EBF1: variants seen among roughly 807,000 people sequenced by gnomAD.
The protein encoded by EBF1 is EBF transcription factor 1.
Under a neutral mutation model 68.4 loss-of-function variants are expected in EBF1, and 10 were observed. The observed-to-expected ratio is 0.15, with a 90% CI of 0.09 to 0.25. EBF1 has a LOEUF of 0.25. EBF1 is among the 10% of genes least tolerant of loss of function. The pLI is 1.00. For missense variants in EBF1, 509 were observed against 794.4 expected, an observed-to-expected ratio of 0.64 and a Z score of 4.32; for synonymous variants, 298 against 299.8, an observed-to-expected ratio of 0.99 and a Z score of 0.06.
chr5:158,811,796 T>C (rs1782721417), intron 8 of EBF1, among the ~76,000 whole-genome samples: 1 of 152,208 alleles, frequency 6.6e-6, no homozygotes, highest in African/African-American at 2.4e-5. Flanking sequence ...TTTCCAAGTT[T>C]AGTTTCTCAA....
At chr5:159,080,025 C>T (rs73305729) in intron 5 of EBF1, among the ~76,000 whole-genome samples, 3,283 of 152,180 alleles carry the variant, frequency 0.022, 125 homozygotes, top group African/African-American at 0.073. Flanking sequence ...ATAGCCATGC[C>T]TTCTCTTTCT....
rs1009057542 is a variant in EBF1, at chr5:158,713,288, A to G, written c.1192-141T>C. The G allele has an allele frequency of 3.1e-5, 22 of 711,922 alleles. No individual in the cohort carries two copies. The African/African-American group carries it at 3.3e-4, about 11-fold the overall frequency. 44.1% of individuals were successfully genotyped at this position (711,922 alleles called of 1,614,324 possible). A position where few individuals can be genotyped will look rare whatever the true frequency, so the allele number is the denominator to read the frequency against. On this transcript the variant is annotated intron_variant, in intron 12 of 15. Transcript: ENST00000313708. Reference sequence around the variant, plus strand: ...CTGTGACCCTCATGACAAACCTGTTATATTAGTCTCACCATCATCATGCCT... The same window carrying G: ...CTGTGACCCTCATGACAAACCTGTTGTATTAGTCTCACCATCATCATGCCT...
intron 6 of EBF1, among the ~76,000 whole-genome samples, chr5:159,069,357 T>G (rs1165723247): frequency 6.6e-6 from 1 of 151,922 alleles, no homozygotes; most frequent in East Asian, 1.9e-4. Flanking sequence ...AACATTAAGC[T>G]GCCCCCTATC....
chr5:158,977,122 G>A (rs1323513807), intron 6 of EBF1, among the ~76,000 whole-genome samples: 1 of 152,170 alleles, frequency 6.6e-6, no homozygotes, highest in Non-Finnish European at 1.5e-5. Context: ...TGGAACCAGA[G>A]TGAACCAACA....
intron 1 of EBF1, 24 bp from the exon 2 acceptor site, chr5:159,097,154 G>C: frequency 6.2e-7 from 1 of 1,610,526 alleles, no homozygotes; most frequent in South Asian, 1.1e-5. Flanking sequence ...CGCAGAGTTA[G>C]ATGGCTAAAC....
chr5:159,001,164 T>C (rs1463259807), intron 6 of EBF1, among the ~76,000 whole-genome samples: 1 of 152,190 alleles, frequency 6.6e-6, no homozygotes, highest in Non-Finnish European at 1.5e-5. Flanking sequence ...TCTAACTAAA[T>C]GTTTTTGTTT....
At chr5:159,096,727 T>A in intron 2 of EBF1, 1 of 618,194 alleles carries the variant, frequency 1.6e-6, no homozygotes, top group South Asian at 2.0e-5. Flanking sequence ...CGGGTGCCCA[T>A]GGCTGTGGAT....
chr5:159,068,615 T>C (rs113481654), intron 6 of EBF1, among the ~76,000 whole-genome samples: 3 of 152,184 alleles, frequency 2.0e-5, no homozygotes, highest in Non-Finnish European at 2.9e-5. Context: ...TAAACTTGTT[T>C]ATCTGAGCAA....
chr5:158,834,367 A>G (rs900986390), intron 7 of EBF1, among the ~76,000 whole-genome samples: 1 of 152,080 alleles, frequency 6.6e-6, no homozygotes, highest in Non-Finnish European at 1.5e-5. Context: ...TTCCATCCCC[A>G]GCTTGCTCCC....
Position 158,947,489 on chromosome 5 carries a change from G to A in EBF1, c.555-107379C>T, listed in dbSNP as rs75552727. ...TGCTTTCCAGGTGAGGCAGCGCCCC[G>A]TCCTGCTTCTGCTCGCCCTCCCTGG... On this transcript the variant is annotated intron_variant, in intron 6 of 15. Coordinates refer to ENST00000313708, the MANE Select transcript of EBF1 (RefSeq NM_024007.5). Among the ~76,000 whole-genome samples, 1,385 of 152,252 alleles carry A rather than the reference G, an allele frequency of 9.1e-3. 18 individuals carry two copies. The highest frequency in any genetic ancestry group is 0.025 in the African/African-American group (1,049 of 41,546).
intron 6 of EBF1, among the ~76,000 whole-genome samples, chr5:158,841,207 G>A (rs1790277512): frequency 6.6e-6 from 1 of 152,178 alleles, no homozygotes; most frequent in Non-Finnish European, 1.5e-5. Context: ...CTTGGTATGG[G>A]TGATAAATTA....
At chr5:158,823,450 T>C (rs1284652910) in intron 7 of EBF1, 133 bp from the exon 8 acceptor site, 6 of 858,176 alleles carry the variant, frequency 7.0e-6, no homozygotes, top group Non-Finnish European at 1.1e-5. Context: ...CTGGTGCTTA[T>C]GCTGTACAAG....
intron 15 of EBF1, among the ~76,000 whole-genome samples, chr5:158,702,692 C>T (rs193203618): frequency 9.8e-5 from 13 of 132,976 alleles, no homozygotes; most frequent in Admixed American, 7.8e-4. Flanking sequence ...TGCAGTGAGC[C>T]GAGATCGCGC....
At chr5:159,050,027 G>C (rs1773210934) in intron 6 of EBF1, among the ~76,000 whole-genome samples, 1 of 152,038 alleles carries the variant, frequency 6.6e-6, no homozygotes, top group Non-Finnish European at 1.5e-5. Context: ...ACAAAACCAA[G>C]GATAAGCCAC....
intron 4 of EBF1, 23 bp downstream of exon 4, chr5:159,095,597 T>C: frequency 1.2e-6 from 2 of 1,613,440 alleles, no homozygotes; most frequent in Middle Eastern, 1.7e-4. Flanking sequence ...GAGCCCCCCG[T>C]GGCCCAAAAT....
At chr5:158,811,217 C>G (rs185217353) in intron 8 of EBF1, among the ~76,000 whole-genome samples, 1 of 152,230 alleles carries the variant, frequency 6.6e-6, no homozygotes, top group East Asian at 1.9e-4. Flanking sequence ...AAGCACCTTC[C>G]CATATATCAC....
chr5:158,944,461 T>C (rs1451426772), intron 6 of EBF1, among the ~76,000 whole-genome samples: 1 of 152,250 alleles, frequency 6.6e-6, no homozygotes, highest in Non-Finnish European at 1.5e-5. Context: ...CTTTATCCAG[T>C]CTATCATTGA....
chr5:158,772,504 G>T (rs1238937073), intron 10 of EBF1, among the ~76,000 whole-genome samples: 1 of 152,130 alleles, frequency 6.6e-6, no homozygotes, highest in Non-Finnish European at 1.5e-5. Context: ...TACAAATCAG[G>T]AGTATCTGAT....
chr5:158,702,659 G>A (rs1158868581), intron 15 of EBF1, among the ~76,000 whole-genome samples: 6 of 145,690 alleles, frequency 4.1e-5, no homozygotes, highest in Middle Eastern at 3.6e-3. Context: ...CAGGAGAATG[G>A]CATGAACCTG....
Sources: gnomAD v4.1 joint callset for allele counts (sites outside exome capture counted in the v4.1 genomes callset) on GRCh38, gnomAD v4.1.1 for gene constraint, MANE v1.5 for transcripts, NCBI Gene and HGNC (gene_info 2026-07-23, HGNC 2026-07-21) for gene names.